Variants in GALNT18 observed in about 807,000 individuals in gnomAD.
The protein encoded by GALNT18 is GalNAc-transferase 18.
A neutral mutation model predicts 69.5 loss-of-function variants in GALNT18; 44 were observed. That is an observed-to-expected ratio of 0.63 (90% CI 0.50 to 0.81). The LOEUF (loss-of-function observed/expected upper bound fraction) is 0.81, where lower values mean the gene tolerates loss of function less well. GALNT18 is among the 40% of genes least tolerant of loss of function. The pLI, the probability that GALNT18 is intolerant of heterozygous loss-of-function variation, is 0.00. For missense variants in GALNT18, 715 were observed against 810.0 expected (o/e 0.88, Z 1.42); for synonymous variants, 364 against 318.2 (o/e 1.14, Z -1.53).
chr11:11,535,005 T>G (rs1045867307), intron 1 of GALNT18, among the ~76,000 whole-genome samples: 3 of 152,252 alleles, frequency 2.0e-5, no homozygotes, highest in Non-Finnish European at 2.9e-5. Context: ...CACTACTGTC[T>G]TGCTGAGTGA....
rs1859176345 is a variant in GALNT18 at position 11,584,940 on chromosome 11, T to C, written c.235+36419A>G. Among the ~76,000 whole-genome samples, 1 of 152,198 alleles carries C rather than the reference T, an allele frequency of 6.6e-6. No individual in the cohort carries two copies. The highest frequency in any genetic ancestry group is 1.5e-5 in the Non-Finnish European group (1 of 68,034). Reference sequence around the variant, plus strand: ...CCAAGCTTTTAAGGAAAATTTATAATTATGGAAAACTTGCCTCCACCACTA... The same window carrying C: ...CCAAGCTTTTAAGGAAAATTTATAACTATGGAAAACTTGCCTCCACCACTA... On this transcript the variant is annotated intron_variant, in intron 1 of 10. Transcript: ENST00000227756. The surrounding 1 kb of genome is among the most constrained non-coding windows in gnomAD (Gnocchi z 4.1).
chr11:11,342,913 C>G (rs1025789414), intron 6 of GALNT18, among the ~76,000 whole-genome samples: 1 of 152,166 alleles, frequency 6.6e-6, no homozygotes, highest in Admixed American at 6.5e-5. Context: ...TTACATGCAA[C>G]GTGCTTAAAA....
intron 1 of GALNT18, among the ~76,000 whole-genome samples, chr11:11,495,468 G>C (rs146812020): frequency 7.0e-4 from 107 of 152,258 alleles, no homozygotes; most frequent in African/African-American, 2.5e-3. Flanking sequence ...GCAAAAACAG[G>C]GTTGTTGGTC....
chr11:11,354,598 C>G (rs1850488022), intron 6 of GALNT18, among the ~76,000 whole-genome samples: 1 of 152,154 alleles, frequency 6.6e-6, no homozygotes, highest in Non-Finnish European at 1.5e-5. Context: ...TATTTCATCA[C>G]CTGGAAGAAG....
At chr11:11,567,148 A>G (rs1278124766) in intron 1 of GALNT18, among the ~76,000 whole-genome samples, 1 of 152,184 alleles carries the variant, frequency 6.6e-6, no homozygotes, top group African/African-American at 2.4e-5. Flanking sequence ...GCAAGTCCTT[A>G]AGTGGCATTT....
At chr11:11,517,914 G>A in intron 1 of GALNT18, among the ~76,000 whole-genome samples, 1 of 152,146 alleles carries the variant, frequency 6.6e-6, no homozygotes, top group East Asian at 1.9e-4. Flanking sequence ...ATTATTACCA[G>A]CTTCAGCTAA....
intron 1 of GALNT18, among the ~76,000 whole-genome samples, chr11:11,608,797 C>T (rs900393098): frequency 9.9e-5 from 15 of 152,184 alleles, no homozygotes; most frequent in Admixed American, 3.3e-4. Context: ...CTCACTGAGA[C>T]GCTCAGGCTT....
At chr11:11,276,117 T>A (rs911873602) in intron 10 of GALNT18, among the ~76,000 whole-genome samples, 3 of 152,220 alleles carry the variant, frequency 2.0e-5, no homozygotes, top group African/African-American at 7.2e-5. Flanking sequence ...ACAAATTGCT[T>A]TGGGCAGTAT....
chr11:11,336,020 C>T (rs1396810497), intron 7 of GALNT18, among the ~76,000 whole-genome samples: 1 of 152,152 alleles, frequency 6.6e-6, no homozygotes, highest in Non-Finnish European at 1.5e-5. Context: ...AACTTAGCCA[C>T]ATAAAAAGTG....
At position 11,511,566 on chromosome 11, in the gene GALNT18, A is replaced by C. The variant is rs1857166444; in HGVS notation, c.236-62630T>G. ...AAAAGGCTTGGACTATCTCTCCAGA[A>C]AATGCATACATGTGCACACTGTGTT... On this transcript the variant is annotated intron_variant, in intron 1 of 10. Coordinates refer to ENST00000227756, the MANE Select transcript of GALNT18 (RefSeq NM_198516.3). The surrounding 1 kb of genome is among the most constrained non-coding windows in gnomAD (Gnocchi z 4.9). 1.3e-5 allele frequency among the ~76,000 whole-genome samples: 2 copies of C among 152,246 alleles called. No individual in the cohort carries two copies. The highest frequency in any genetic ancestry group is 6.5e-5 in the Admixed American group (1 of 15,288).
chr11:11,571,444 G>A lies in GALNT18; in HGVS notation c.235+49915C>T, dbSNP rs140075079. On this transcript the variant is annotated intron_variant, in intron 1 of 10. Transcript: ENST00000227756. ...AAAATTAGCTCTGCTCTCTGAGTCC[G>A]GGTGCCTGTGCTTCCAGAAGCCCCC... Among the ~76,000 whole-genome samples the A allele has an allele frequency of 3.9e-3, 590 of 152,296 alleles. 6 individuals are homozygous for A. Among genetic ancestry groups the A allele is most frequent in the African/African-American group, 0.013 (521 of 41,556 alleles).
rs1306288405 is a variant in GALNT18 at position 11,469,102 on chromosome 11, A to ACGT, written c.236-20169_236-20167dup. ...CACCAGGACACAGCACTCTTTAACC[A>ACGT]CGTCACTGTGAATCAGCCAGCTCTG... On this transcript the variant is annotated intron_variant, in intron 1 of 10. Coordinates refer to ENST00000227756, the MANE Select transcript of GALNT18 (RefSeq NM_198516.3). The surrounding 1 kb of genome is among the most constrained non-coding windows in gnomAD (Gnocchi z 4.2). 6.6e-6 allele frequency among the ~76,000 whole-genome samples: 1 copy of ACGT among 152,246 alleles called. No individual in the cohort carries two copies. Among genetic ancestry groups the ACGT allele is most frequent in the African/African-American group, 2.4e-5 (1 of 41,472 alleles).
chr11:11,313,772 A>C, intron 9 of GALNT18, among the ~76,000 whole-genome samples: 1 of 152,186 alleles, frequency 6.6e-6, no homozygotes, highest in East Asian at 1.9e-4. Context: ...CAGTTTTCTC[A>C]CCTGTAAAGA....
At chr11:11,482,176 G>A (rs990915218) in intron 1 of GALNT18, among the ~76,000 whole-genome samples, 1 of 152,228 alleles carries the variant, frequency 6.6e-6, no homozygotes, top group Non-Finnish European at 1.5e-5. Flanking sequence ...TTGGTGTGGA[G>A]TACTCAGGGT....
chr11:11,584,461 T>C lies in GALNT18; in HGVS notation c.235+36898A>G, dbSNP rs1297124929. Among the ~76,000 whole-genome samples the C allele has an allele frequency of 3.9e-5, 6 of 152,160 alleles. No homozygotes were observed. In the East Asian group the frequency reaches 1.2e-3, roughly 29 times the overall value. Reference sequence around the variant, plus strand: ...AAATGGGTTCCTATTCTCCAGTGCATTTCAACTGGCCATATTCTCAGCAGT... The same window carrying C: ...AAATGGGTTCCTATTCTCCAGTGCACTTCAACTGGCCATATTCTCAGCAGT... On this transcript the variant is annotated intron_variant, in intron 1 of 10. Transcript: ENST00000227756. The surrounding 1 kb of genome is among the most constrained non-coding windows in gnomAD (Gnocchi z 4.1).
chr11:11,405,286 C>T (rs1017787231), intron 3 of GALNT18, among the ~76,000 whole-genome samples: 5 of 152,162 alleles, frequency 3.3e-5, no homozygotes, highest in Admixed American at 6.5e-5. Flanking sequence ...AAAACCACGG[C>T]ATCACTGTTA....
chr11:11,483,591 CA>C (rs1380457589), intron 1 of GALNT18, among the ~76,000 whole-genome samples: 1 of 152,212 alleles, frequency 6.6e-6, no homozygotes, highest in Non-Finnish European at 1.5e-5. Flanking sequence ...TGGCCATCCA[CA>C]CAGAGCTTCT....
intron 1 of GALNT18, among the ~76,000 whole-genome samples, chr11:11,581,979 A>T (rs542957098): frequency 2.0e-5 from 3 of 152,078 alleles, no homozygotes; most frequent in Non-Finnish European, 4.4e-5. Context: ...GGATGTTTAC[A>T]GTTTACTGGA....
intron 1 of GALNT18, among the ~76,000 whole-genome samples, chr11:11,588,733 C>T (rs1264680548): frequency 6.6e-6 from 1 of 152,206 alleles, no homozygotes; most frequent in African/African-American, 2.4e-5. Context: ...CTGTGGATCT[C>T]AAACGCCAGC....
Sources: allele counts gnomAD v4.1 joint callset (sites outside exome capture counted in the v4.1 genomes callset), GRCh38; gene constraint gnomAD v4.1.1; non-coding constraint Gnocchi (gnomAD v3.1); transcripts MANE v1.5; gene names NCBI Gene and HGNC (gene_info 2026-07-23, HGNC 2026-07-21).